The following XAF1 variants were observed in gnomAD, a reference collection of about 807,000 sequenced individuals.
The protein encoded by XAF1 is XIAP associated factor 1.
Under a neutral mutation model 32.3 loss-of-function variants are expected in XAF1, and 32 were observed. The ratio of observed to expected loss-of-function variants is 0.99; its 90% CI spans 0.75 to 1.33. The LOEUF is 1.33. Ranked by LOEUF, XAF1 falls within the 40% of genes most tolerant of loss-of-function variation. The probability of loss-of-function intolerance (pLI) is 0.00; values close to 1 mark genes in which losing one functional copy is unlikely to be tolerated. For synonymous variants in XAF1, 120 were observed against 125.9 expected, an observed-to-expected ratio of 0.95 and a Z score of 0.31; for missense variants, 379 against 366.0, an observed-to-expected ratio of 1.04 and a Z score of -0.29.
chr17:6,760,790 C>T (rs1450727491), intron 4 of XAF1, among the ~76,000 whole-genome samples, 189 bp downstream of exon 4: 2 of 152,168 alleles, frequency 1.3e-5, no homozygotes, highest in African/African-American at 4.8e-5. Flanking sequence ...CTGCTGTGGC[C>T]TTCAAATGAC....
In XAF1 at chr17:6,772,563, C is replaced by T. The variant is rs1976126806; in HGVS notation, c.850-550C>T. Among the ~76,000 whole-genome samples the T allele has an allele frequency of 1.3e-5, 2 of 149,272 alleles. 1 individual carries two copies. Among genetic ancestry groups the T allele is most frequent in the South Asian group, 4.3e-4 (2 of 4,684 alleles). Reference sequence around the variant, plus strand: ...TCGGCTCACTGCGATCTCTGCCTCCCGGGTTCAAGCGATTCTCCTGCCTCA... The same window carrying T: ...TCGGCTCACTGCGATCTCTGCCTCCTGGGTTCAAGCGATTCTCCTGCCTCA... On this transcript the variant is annotated intron_variant, in intron 6 of 6. Coordinates refer to ENST00000361842, the MANE Select transcript of XAF1 (RefSeq NM_017523.5).
At position 6,757,608 on chromosome 17, in the gene XAF1, T is replaced by TGAAATAATTTAATTATTTACATC. The variant is rs1295066784; in HGVS notation, c.33-481_33-480insGAAATAATTTAATTATTTACATC. Among the ~76,000 whole-genome samples the TGAAATAATTTAATTATTTACATC allele has an allele frequency of 7.2e-5, 11 of 152,384 alleles. No homozygotes were observed. In the East Asian group the frequency reaches 2.1e-3, roughly 29 times the overall value. On this transcript the variant is annotated intron_variant, in intron 1 of 6. Transcript: ENST00000361842. The stretch of plus-strand genomic sequence containing the variant: ...AGAGAATTTGGCACTTCTCTCAAAT[T>TGAAATAATTTAATTATTTACATC]ATTTAAATTGAAATAATTTAATTAT...
Position 6,760,439 on chromosome 17 carries a change from A to G in XAF1, c.259A>G (p.Lys87Glu), listed in dbSNP as rs1267061723. Residue 87 changes from lysine (K) to glutamate (E), a missense_variant, in exon 4 of 7, where the codon AAG (lysine) becomes GAG (glutamate). Lys to Glu is a moderately conservative substitution (Grantham distance 56, BLOSUM62 1). Coordinates refer to ENST00000361842, the MANE Select transcript of XAF1 (RefSeq NM_017523.5). ...GTGCCAGGAGCGCCCTGTTGAGTGT[A>G]AGTTCTGCAAACTGGACATGCAGCT... ...NECQERPVEC[K>E]FCKLDMQLSK... 1 of 1,612,786 alleles carries G rather than the reference A, an allele frequency of 6.2e-7. No homozygotes were observed. The highest frequency in any genetic ancestry group is 8.5e-7 in the Non-Finnish European group (1 of 1,179,688).
intron 2 of XAF1, 52 bp downstream of exon 2, chr17:6,758,276 T>C: frequency 6.2e-7 from 1 of 1,600,212 alleles, no homozygotes; most frequent in Non-Finnish European, 8.5e-7. Flanking sequence ...GAGTGTTCAG[T>C]CCTCCCTGCA....
At chr17:6,762,614 A>C (rs1366247149) in intron 5 of XAF1, among the ~76,000 whole-genome samples, 14 of 152,092 alleles carry the variant, frequency 9.2e-5, no homozygotes, top group Non-Finnish European at 2.1e-4. Context: ...TTCCTGCAAA[A>C]CTGCATGACT....
At chr17:6,763,722 C>T (rs949436977) in intron 5 of XAF1, among the ~76,000 whole-genome samples, 3 of 152,132 alleles carry the variant, frequency 2.0e-5, no homozygotes, top group Non-Finnish European at 4.4e-5. Context: ...ATGAGCATCA[C>T]CTGGAATCCT....
intron 5 of XAF1, among the ~76,000 whole-genome samples, chr17:6,767,799 G>T (rs1422899011): frequency 6.6e-6 from 1 of 152,002 alleles, no homozygotes; most frequent in Non-Finnish European, 1.5e-5. Context: ...GATTGAGCAA[G>T]ATTTCTTTAT....
At chr17:6,769,086 G>A (rs967033125) in intron 5 of XAF1, among the ~76,000 whole-genome samples, 2 of 143,220 alleles carry the variant, frequency 1.4e-5, no homozygotes, top group African/African-American at 2.6e-5. Flanking sequence ...TCTTTTAATC[G>A]CCTTATGTCT....
chr17:6,763,388 C>T (rs545144509), intron 5 of XAF1, among the ~76,000 whole-genome samples: 6 of 152,158 alleles, frequency 3.9e-5, no homozygotes, highest in African/African-American at 1.2e-4. Flanking sequence ...AGTGCAGTGG[C>T]GTGATCTCGG....
At chr17:6,757,385 AC>A (rs1974772330) in intron 1 of XAF1, 1 of 152,170 alleles carries the variant, frequency 6.6e-6, no homozygotes, top group South Asian at 2.1e-4. Flanking sequence ...CCCTTCCTTC[AC>A]TGTGGTCTCC....
intron 2 of XAF1, chr17:6,759,106 C>T: frequency 1.6e-5 from 16 of 1,009,302 alleles, no homozygotes; most frequent in Non-Finnish European, 1.9e-5. Context: ...GGCAAGGGTC[C>T]AGTCCCCCAG....
chr17:6,773,071 T>C (rs1476564075), intron 6 of XAF1, 42 bp from the exon 7 acceptor site: 1 of 1,549,944 alleles, frequency 6.5e-7, no homozygotes, highest in Non-Finnish European at 8.8e-7. Flanking sequence ...CTAGCACTTC[T>C]TACTTTAACC....
chr17:6,767,578 G>A (rs1975707505), intron 5 of XAF1, among the ~76,000 whole-genome samples: 1 of 152,168 alleles, frequency 6.6e-6, no homozygotes, highest in South Asian at 2.1e-4. Context: ...GTATGTTAAA[G>A]CAAATCCAAG....
At chr17:6,768,106 T>C (rs1975749727) in intron 5 of XAF1, among the ~76,000 whole-genome samples, 1 of 151,984 alleles carries the variant, frequency 6.6e-6, no homozygotes, top group African/African-American at 2.4e-5. Context: ...GTTTTTGTTT[T>C]TGCTTTTTTT....
chr17:6,764,842 T>A (rs1163433393), intron 5 of XAF1, among the ~76,000 whole-genome samples: 2 of 152,216 alleles, frequency 1.3e-5, no homozygotes, highest in Non-Finnish European at 2.9e-5. Flanking sequence ...AATCTGCTCT[T>A]GTCAAAATCA....
chr17:6,762,189 C>T lies in XAF1; in HGVS notation c.456C>T (p.Tyr152=). 2 of 1,613,834 alleles carry T rather than the reference C, an allele frequency of 1.2e-6. No individual in the cohort carries two copies. Among genetic ancestry groups the T allele is most frequent in the Middle Eastern group, 1.7e-4 (1 of 6,046 alleles). Residue 152 remains tyrosine, a synonymous_variant, in exon 5 of 7, where the codon TAC becomes TAT. Coordinates refer to ENST00000361842, the MANE Select transcript of XAF1 (RefSeq NM_017523.5). The part of the protein sequence containing the change: ...ERISAPEREI[Y]CHYCNQMIPE... Reference sequence around the variant, plus strand: ...TTTCAGCTCCTGAAAGGGAAATCTACTGTCATTATTGCAACCAAATGATTC... The same window carrying T: ...TTTCAGCTCCTGAAAGGGAAATCTATTGTCATTATTGCAACCAAATGATTC...
intron 2 of XAF1, 134 bp from the exon 3 acceptor site, chr17:6,759,528 A>T: frequency 6.6e-7 from 1 of 1,515,864 alleles, no homozygotes. Flanking sequence ...AGGTAGCCAC[A>T]TCGGATCCCT....
chr17:6,773,241 G>A lies in XAF1; in HGVS notation c.*72G>A. 3 of 1,405,378 alleles carry A rather than the reference G, an allele frequency of 2.1e-6. No individual in the cohort carries two copies. The highest frequency in any genetic ancestry group is 2.4e-5 in the East Asian group (1 of 41,638). 87.1% of individuals were successfully genotyped at this position (1,405,378 alleles called of 1,614,324 possible). A position where few individuals can be genotyped will look rare whatever the true frequency, so the allele number is the denominator to read the frequency against. On this transcript the variant is annotated 3_prime_UTR_variant, in exon 7 of 7. Transcript: ENST00000361842. Reference sequence around the variant, plus strand: ...ACACTGGCATTCCTGCCTACTTGCTGTGGTGGTCTTGTGAAAGGTGATGGG... The same window carrying A: ...ACACTGGCATTCCTGCCTACTTGCTATGGTGGTCTTGTGAAAGGTGATGGG...
chr17:6,770,792 A>G lies in XAF1; in HGVS notation c.657A>G (p.Arg219=), dbSNP rs777906750. Residue 219 remains arginine (R), a synonymous_variant, in exon 6 of 7, where the codon AGA becomes AGG. Transcript: ENST00000361842. ...DVRPKTRSIN[R]FPLHSESSSK... ...GTCCAAAGACAAGAAGTATAAACAGATTTCCTCTTCATTCTGAAAGTTCAT... is the reference window on the plus strand; with the variant it reads ...GTCCAAAGACAAGAAGTATAAACAGGTTTCCTCTTCATTCTGAAAGTTCAT... The G allele has an allele frequency of 8.7e-6, 14 of 1,613,750 alleles. No homozygotes were observed. The South Asian group carries it at 1.3e-4, about 15-fold the overall frequency.
Sources: gnomAD v4.1 joint callset for allele counts (sites outside exome capture counted in the v4.1 genomes callset) on GRCh38, gnomAD v4.1.1 for gene constraint, MANE v1.5 for transcripts, NCBI Gene and HGNC (gene_info 2026-07-23, HGNC 2026-07-21) for gene names.